The following UBR4 variants were observed in gnomAD, a reference collection of about 807,000 sequenced individuals.
UBR4 encodes the protein E3 ubiquitin-protein ligase UBR4.
In UBR4, 124 loss-of-function variants were observed where a neutral mutation model predicts 575.6. That is an observed-to-expected ratio of 0.22 (90% CI 0.19 to 0.25). The LOEUF is 0.25. UBR4 is among the 10% of genes least tolerant of loss of function. The pLI is 1.00. For synonymous variants in UBR4, 2,455 were observed against 2,473.7 expected, an observed-to-expected ratio of 0.99 and a Z score of 0.22; for missense variants, 4,818 against 6,478.8, an observed-to-expected ratio of 0.74 and a Z score of 8.80.
intron 66 of UBR4, 43 bp downstream of exon 66, chr1:19,122,790 T>C (rs2081319509): frequency 5.0e-6 from 8 of 1,610,922 alleles, no homozygotes; most frequent in Non-Finnish European, 3.4e-6. Flanking sequence ...CTAAGCCTTA[T>C]CACATCCCCC....
Position 19,185,199 on chromosome 1 carries a change from G to C in UBR4, c.1838C>G (p.Pro613Arg), listed in dbSNP as rs377298895. 16 of 1,614,074 alleles carry C rather than the reference G, an allele frequency of 9.9e-6. 1 individual carries two copies. Among genetic ancestry groups the C allele is most frequent in the South Asian group, 2.2e-5 (2 of 91,074 alleles). ...KEKAAPPPPP[P>R]PPPLESSPRV... ...AGGAGAGCTTTCCAGTGGAGGAGGT[G>C]GGGGAGGAGGCGGAGGTGCTGCTTT... The change falls in exon 15 of 106, where the codon CCA becomes CGA. Residue 613 changes from proline (P) to arginine (R), a missense_variant. Physicochemically the swap from Pro to Arg is moderately radical, Grantham distance 103. Around this residue, in one of 29 missense-constraint regions of UBR4, gnomAD observed 1,172 missense variants for 1,259.7 expected, o/e 0.93. Coordinates refer to ENST00000375254, the MANE Select transcript of UBR4 (RefSeq NM_020765.3).
chr1:19,098,665 C>T (rs540928244), intron 90 of UBR4, among the ~76,000 whole-genome samples: 10 of 152,258 alleles, frequency 6.6e-5, no homozygotes, highest in African/African-American at 2.4e-4. Flanking sequence ...GGCAGTAGAC[C>T]AACAGTCAAC....
intron 74 of UBR4, 69 bp downstream of exon 74, chr1:19,115,329 C>T: frequency 6.4e-7 from 1 of 1,568,044 alleles, no homozygotes; most frequent in East Asian, 2.3e-5. Flanking sequence ...ATTGCTCACA[C>T]TGACACTACT....
At chr1:19,084,753 A>C (rs769342253) in intron 101 of UBR4, 55 bp from the exon 102 acceptor site, 1 of 1,532,508 alleles carries the variant, frequency 6.5e-7, no homozygotes, top group Admixed American at 1.8e-5. Flanking sequence ...GTGAAAACCC[A>C]GTTTGGGAGA....
At chr1:19,099,855 C>A (rs1455599607) in intron 89 of UBR4, among the ~76,000 whole-genome samples, 178 bp from the exon 90 acceptor site, 1 of 152,130 alleles carries the variant, frequency 6.6e-6, no homozygotes, top group African/African-American at 2.4e-5. Context: ...GAATTTTGTG[C>A]ACAATTTCAG....
chr1:19,117,083 G>T lies in UBR4; in HGVS notation c.10823+138C>A. 2 of 880,238 alleles carry T rather than the reference G, an allele frequency of 2.3e-6. No homozygotes were observed. The highest frequency in any genetic ancestry group is 3.5e-6 in the Non-Finnish European group (2 of 569,162). The allele number at this position is 880,238 out of a possible 1,614,324, so 54.5% of individuals were successfully genotyped here. ...AACTGTTGTTTCACTTTTGTCCTTT[G>T]GTCATGAATGGAGGGGCCAAGAGGA... On this transcript the variant is annotated intron_variant, in intron 73 of 105. Coordinates refer to ENST00000375254, the MANE Select transcript of UBR4 (RefSeq NM_020765.3). This position sits in a 1 kb window ranked among gnomAD's most constrained non-coding sequence, Gnocchi z 4.0.
At chr1:19,176,213 G>C (rs139528289) in intron 20 of UBR4, among the ~76,000 whole-genome samples, 2,989 of 152,110 alleles carry the variant, frequency 0.02, 41 homozygotes, top group South Asian at 0.056. Flanking sequence ...TCAGCCACCA[G>C]AGTAGCTGGG....
At chr1:19,082,291 A>G (rs76333944) in intron 102 of UBR4, 2,796 of 157,356 alleles carry the variant, frequency 0.018, 86 homozygotes, top group African/African-American at 0.064. Flanking sequence ...AGTACTCACA[A>G]GAATGCTATG....
chr1:19,094,777 A>C (rs1237162053), intron 94 of UBR4, 129 bp downstream of exon 94: 2 of 1,301,290 alleles, frequency 1.5e-6, no homozygotes, highest in South Asian at 1.4e-5. Flanking sequence ...TTGAGTCCTA[A>C]CATTCCAATG....
Position 19,110,254 on chromosome 1 carries a change from A to G in UBR4, c.11978-31T>C, listed in dbSNP as rs758832251. ...GATGGTCAGGAAAGGCAGAGTCACAATCAGGAACACTACACATCTGCTCTG... is the reference window on the plus strand; with the variant it reads ...GATGGTCAGGAAAGGCAGAGTCACAGTCAGGAACACTACACATCTGCTCTG... On this transcript the variant is annotated intron_variant, in intron 80 of 105. Transcript: ENST00000375254. The surrounding 1 kb of genome is among the most constrained non-coding windows in gnomAD (Gnocchi z 4.5). 1 of 1,614,162 alleles carries G rather than the reference A, an allele frequency of 6.2e-7. No homozygotes were observed. The highest frequency in any genetic ancestry group is 8.5e-7 in the Non-Finnish European group (1 of 1,180,012).
Position 19,126,593 on chromosome 1 carries a change from G to A in UBR4, c.9291C>T (p.Tyr3097=). The A allele has an allele frequency of 2.5e-6, 4 of 1,614,156 alleles. No individual in the cohort carries two copies. The highest frequency in any genetic ancestry group is 2.2e-5 in the South Asian group (2 of 91,088). ...AALLSSGAVD[Y]CLHVLKSLLE... is the part of the protein sequence containing the mutation. The stretch of plus-strand genomic sequence containing the variant: ...GCAGTGATTTGAGCACGTGCAGGCA[G>A]TAGTCCACAGCCCCAGAGCTCAGTA... Residue 3097 remains tyrosine, a synonymous_variant, in exon 64 of 106, where the codon TAC becomes TAT. Coordinates refer to ENST00000375254, the MANE Select transcript of UBR4 (RefSeq NM_020765.3).
chr1:19,151,519 G>T, intron 48 of UBR4, 124 bp downstream of exon 48: 1 of 1,064,140 alleles, frequency 9.4e-7, no homozygotes, highest in Non-Finnish European at 1.4e-6. Context: ...AAAGTTTCCT[G>T]ATGAAAGGAC....
intron 60 of UBR4, among the ~76,000 whole-genome samples, chr1:19,135,448 C>G (rs2083093501): frequency 6.6e-6 from 1 of 152,194 alleles, no homozygotes; most frequent in South Asian, 2.1e-4. Context: ...AAATTTATGA[C>G]TAGGATTATA....
chr1:19,168,914 C>CT (rs1179726909), intron 27 of UBR4, among the ~76,000 whole-genome samples: 2 of 148,530 alleles, frequency 1.3e-5, no homozygotes, highest in East Asian at 4.2e-4. Context: ...GGAGGCGGAG[C>CT]TTGCAGTGAG....
intron 70 of UBR4, 40 bp downstream of exon 70, chr1:19,119,517 T>C (rs1157528674): frequency 6.3e-7 from 1 of 1,593,950 alleles, no homozygotes; most frequent in South Asian, 1.1e-5. Flanking sequence ...AAAGGTTAAA[T>C]ATGGCAAGTT....
At chr1:19,199,898 G>A in intron 2 of UBR4, 144 bp from the exon 3 acceptor site, 1 of 676,536 alleles carries the variant, frequency 1.5e-6, no homozygotes, top group Non-Finnish European at 2.6e-6. Context: ...GTAAACAAAG[G>A]CATTTTGACA....
intron 60 of UBR4, among the ~76,000 whole-genome samples, chr1:19,131,796 C>T (rs1460221975): frequency 6.6e-6 from 1 of 152,170 alleles, no homozygotes; most frequent in Non-Finnish European, 1.5e-5. Flanking sequence ...TCGCTTGAAC[C>T]CGGGCGGCAG....
rs528099614 is a variant in UBR4, at chr1:19,153,027, A to C, written c.6832+274T>G. 6.6e-6 allele frequency among the ~76,000 whole-genome samples: 1 copy of C among 152,334 alleles called. No homozygotes were observed. Among genetic ancestry groups the C allele is most frequent in the East Asian group, 1.9e-4 (1 of 5,188 alleles). On this transcript the variant is annotated intron_variant, in intron 46 of 105. Coordinates refer to ENST00000375254, the MANE Select transcript of UBR4 (RefSeq NM_020765.3). The surrounding 1 kb of genome is among the most constrained non-coding windows in gnomAD (Gnocchi z 4.1). ...TATACTTCAATCAGTTCTTCAGGGAAGTCATTCTCCTAAACCTAGAGAGAA... is the reference window on the plus strand; with the variant it reads ...TATACTTCAATCAGTTCTTCAGGGACGTCATTCTCCTAAACCTAGAGAGAA...
At chr1:19,179,353 C>A in intron 17 of UBR4, 133 bp from the exon 18 acceptor site, 2 of 995,152 alleles carry the variant, frequency 2.0e-6, no homozygotes, top group Non-Finnish European at 2.7e-6. Flanking sequence ...CCCAGAAATT[C>A]AGATTTTGGA....
Sources: allele counts gnomAD v4.1 joint callset (sites outside exome capture counted in the v4.1 genomes callset), GRCh38; gene constraint gnomAD v4.1.1; regional missense constraint gnomAD v4.1.1; non-coding constraint Gnocchi (gnomAD v3.1); transcripts MANE v1.5; gene names NCBI Gene and HGNC (gene_info 2026-07-23, HGNC 2026-07-21).